Variants in ASCC1 observed in about 807,000 individuals in gnomAD.
ASCC1 encodes activating signal cointegrator 1 complex subunit 1.
Under a neutral mutation model 46.6 loss-of-function variants are expected in ASCC1, and 35 were observed. That is an observed-to-expected ratio of 0.75 (90% CI 0.57 to 0.99). The LOEUF (loss-of-function observed/expected upper bound fraction) is 0.99. Ranked by LOEUF, ASCC1 falls within the 50% of genes least tolerant of loss-of-function variation. ASCC1 has a pLI of 0.00. For missense variants in ASCC1, 376 were observed against 428.7 expected, an observed-to-expected ratio of 0.88 and a Z score of 1.09; for synonymous variants, 143 against 146.6, an observed-to-expected ratio of 0.98 and a Z score of 0.18.
At chr10:72,120,506 A>G (rs1001398793) in intron 9 of ASCC1, among the ~76,000 whole-genome samples, 3 of 151,950 alleles carry the variant, frequency 2.0e-5, no homozygotes, top group Non-Finnish European at 2.9e-5. Context: ...ATTTGAAGGA[A>G]TAAAGACTGA....
At chr10:72,172,667 G>A (rs1041239796) in intron 5 of ASCC1, among the ~76,000 whole-genome samples, 1 of 139,826 alleles carries the variant, frequency 7.2e-6, no homozygotes, top group Non-Finnish European at 1.5e-5. Flanking sequence ...TGTTTTAAAG[G>A]TAAAATTACA....
chr10:72,109,142 C>T (rs1842656567), intron 9 of ASCC1, among the ~76,000 whole-genome samples: 1 of 152,102 alleles, frequency 6.6e-6, no homozygotes, highest in African/African-American at 2.4e-5. Flanking sequence ...ACATAATGCC[C>T]TTCCAGAAGG....
At chr10:72,115,060 T>C (rs1407180020) in intron 9 of ASCC1, among the ~76,000 whole-genome samples, 1 of 152,206 alleles carries the variant, frequency 6.6e-6, no homozygotes, top group Non-Finnish European at 1.5e-5. Context: ...TAGAGGGCCA[T>C]AAAAAATACA....
chr10:72,099,883 A>C (rs1841538070), intron 9 of ASCC1, among the ~76,000 whole-genome samples: 1 of 152,228 alleles, frequency 6.6e-6, no homozygotes, highest in Non-Finnish European at 1.5e-5. Context: ...CTCACTGAGC[A>C]GGGTTTAAAA....
chr10:72,146,678 C>G (rs1271472871), intron 7 of ASCC1, among the ~76,000 whole-genome samples: 1 of 152,126 alleles, frequency 6.6e-6, no homozygotes, highest in Non-Finnish European at 1.5e-5. Context: ...TCTTACCAGT[C>G]ACACTTTACC....
intron 9 of ASCC1, among the ~76,000 whole-genome samples, chr10:72,117,184 C>T (rs1843589470): frequency 6.6e-6 from 1 of 152,190 alleles, no homozygotes; most frequent in East Asian, 1.9e-4. Context: ...TAGTCCAAGT[C>T]TGATAACTCT....
Position 72,175,935 on chromosome 10 carries a change from C to T in ASCC1, c.490-14261G>A, listed in dbSNP as rs187162975. On this transcript the variant is annotated intron_variant, in intron 5 of 9. Transcript: ENST00000672957. ...CTGTTGCTGCTTCTTAATGCCACTC[C>T]TTCCTTCCCCTCCATTTTGTAACCC... Among the ~76,000 whole-genome samples the T allele has an allele frequency of 1.1e-3, 167 of 152,258 alleles. 1 individual carries two copies. Among genetic ancestry groups the T allele is most frequent in the African/African-American group, 3.7e-3 (155 of 41,536 alleles).
chr10:72,160,670 G>C (rs1849539262), intron 6 of ASCC1, among the ~76,000 whole-genome samples: 1 of 149,626 alleles, frequency 6.7e-6, no homozygotes, highest in African/African-American at 2.5e-5. Context: ...AGACTAGCTA[G>C]CCTGGGTAAC....
chr10:72,189,266 G>A (rs1260965632), intron 5 of ASCC1, among the ~76,000 whole-genome samples: 2 of 151,746 alleles, frequency 1.3e-5, no homozygotes, highest in African/African-American at 2.4e-5. Flanking sequence ...AAATTAGCCG[G>A]GCGGGGTGGC....
At chr10:72,212,720 T>C (rs947571662) in intron 2 of ASCC1, among the ~76,000 whole-genome samples, 2 of 151,954 alleles carry the variant, frequency 1.3e-5, no homozygotes, top group African/African-American at 4.8e-5. Flanking sequence ...TCCTGGCACA[T>C]GGCTGTAATC....
chr10:72,134,168 C>T (rs1845921038), intron 7 of ASCC1: 1 of 152,214 alleles, frequency 6.6e-6, no homozygotes, highest in Non-Finnish European at 1.5e-5. Flanking sequence ...TGGTGGCTCA[C>T]ACCTGTCATC....
At chr10:72,119,089 G>C (rs1172559527) in intron 9 of ASCC1, among the ~76,000 whole-genome samples, 1 of 152,238 alleles carries the variant, frequency 6.6e-6, no homozygotes, top group Non-Finnish European at 1.5e-5. Context: ...GAAACCTCCA[G>C]AGAGTGGAGT....
At chr10:72,190,048 CCA>C (rs1854176648) in intron 5 of ASCC1, 15 of 758,562 alleles carry the variant, frequency 2.0e-5, no homozygotes, top group Non-Finnish European at 3.4e-5. Flanking sequence ...TCTCTGCCCT[CCA>C]CAGTGCTCCC....
At chr10:72,215,147 A>G (rs1858949226) in intron 1 of ASCC1, among the ~76,000 whole-genome samples, 1 of 152,224 alleles carries the variant, frequency 6.6e-6, no homozygotes, top group Non-Finnish European at 1.5e-5. Flanking sequence ...TCACGTCTGT[A>G]ATCCCAGCAC....
chr10:72,212,977 G>T (rs1203918327), intron 2 of ASCC1, among the ~76,000 whole-genome samples: 1 of 152,072 alleles, frequency 6.6e-6, no homozygotes, highest in Non-Finnish European at 1.5e-5. Context: ...GTACAAAGAA[G>T]AAACATAACT....
intron 6 of ASCC1, among the ~76,000 whole-genome samples, chr10:72,157,896 C>T (rs1338209908): frequency 6.6e-6 from 1 of 152,138 alleles, no homozygotes; most frequent in African/African-American, 2.4e-5. Context: ...AACTTTAATG[C>T]TCAAGTACAA....
intron 3 of ASCC1, among the ~76,000 whole-genome samples, chr10:72,207,696 A>G (rs1007643779): frequency 4.6e-5 from 7 of 152,228 alleles, no homozygotes; most frequent in Non-Finnish European, 1.0e-4. Flanking sequence ...AGCATGAGAC[A>G]TAACCCATGG....
chr10:72,154,367 G>A lies in ASCC1; in HGVS notation c.627-1379C>T, dbSNP rs570363164. ...GAGCTCTATAAATAATGGTCATGATGACCACACCTGAACCCACTGACCAAG... is the reference window on the plus strand; with the variant it reads ...GAGCTCTATAAATAATGGTCATGATAACCACACCTGAACCCACTGACCAAG... On this transcript the variant is annotated intron_variant, in intron 6 of 9. Coordinates refer to ENST00000672957, the MANE Select transcript of ASCC1 (RefSeq NM_001198800.3). Among the ~76,000 whole-genome samples the A allele has an allele frequency of 1.8e-3, 268 of 152,174 alleles. 1 individual carries two copies. Among genetic ancestry groups the A allele is most frequent in the Non-Finnish European group, 3.2e-3 (216 of 68,032 alleles).
At chr10:72,204,573 G>A (rs952289579) in intron 3 of ASCC1, 2 of 1,522,806 alleles carry the variant, frequency 1.3e-6, no homozygotes, top group African/African-American at 2.8e-5. Flanking sequence ...GGGCTATCAA[G>A]TTAAGAACTC....
Sources: gnomAD v4.1 joint callset for allele counts (sites outside exome capture counted in the v4.1 genomes callset) on GRCh38, gnomAD v4.1.1 for gene constraint, MANE v1.5 for transcripts, NCBI Gene and HGNC (gene_info 2026-07-23, HGNC 2026-07-21) for gene names.